Variants in MMP26 observed in about 807,000 individuals in gnomAD.
MMP26 encodes the protein matrix metallopeptidase 26.
Under a neutral mutation model 31.0 loss-of-function variants are expected in MMP26, and 33 were observed. The ratio of observed to expected loss-of-function variants is 1.06; its 90% CI spans 0.81 to 1.42. MMP26 has a LOEUF of 1.42. MMP26 is among the 40% of genes most tolerant of loss of function. MMP26 has a pLI of 0.00. For synonymous variants in MMP26, 122 were observed against 114.9 expected (o/e 1.06, Z -0.40); for missense variants, 347 against 316.1 (o/e 1.10, Z -0.74).
chr11:4,728,836 G>A (rs535735965), intron 1 of MMP26, among the ~76,000 whole-genome samples: 22 of 151,916 alleles, frequency 1.4e-4, no homozygotes, highest in African/African-American at 5.1e-4. Flanking sequence ...CAGAGCACAT[G>A]GAATTGTTTA....
chr11:4,890,869 A>G (rs1410967947), intron 2 of MMP26, among the ~76,000 whole-genome samples: 1 of 151,886 alleles, frequency 6.6e-6, no homozygotes, highest in East Asian at 1.9e-4. Context: ...AGTAACTTTC[A>G]AACAAATTCC....
At chr11:4,923,495 TAC>T in intron 2 of MMP26, 1 of 1,614,098 alleles carries the variant, frequency 6.2e-7, no homozygotes, top group East Asian at 2.2e-5. Context: ...TACCAGCAGA[TAC>T]ACATAGGACA....
At chr11:4,946,231 T>C in intron 2 of MMP26, 7 of 1,614,044 alleles carry the variant, frequency 4.3e-6, no homozygotes, top group East Asian at 2.2e-5. Flanking sequence ...AATAAACAAT[T>C]GGGTTCGTCA....
chr11:4,962,740 C>T (rs957779282), intron 2 of MMP26, among the ~76,000 whole-genome samples: 2 of 152,108 alleles, frequency 1.3e-5, no homozygotes, highest in Non-Finnish European at 2.9e-5. Context: ...CATTTACATA[C>T]ATTGTTGGAC....
intron 2 of MMP26, among the ~76,000 whole-genome samples, chr11:4,804,935 A>G (rs1865285): frequency 0.38 from 57,452 of 149,678 alleles, 12,406 homozygotes; most frequent in African/African-American, 0.57. Flanking sequence ...ACACCACTGC[A>G]CTCCAGCCTG....
rs59289871 is a variant in MMP26, at chr11:4,730,404, A to AAGAG, written c.-217+25382_-217+25385dup. Among the ~76,000 whole-genome samples, 344 of 145,040 alleles carry AAGAG rather than the reference A, an allele frequency of 2.4e-3. 3 individuals carry two copies. Among genetic ancestry groups the AAGAG allele is most frequent in the South Asian group, 7.6e-3 (34 of 4,500 alleles). On this transcript the variant is annotated intron_variant, in intron 1 of 7. Coordinates refer to ENST00000380390, the MANE Select transcript of MMP26 (RefSeq NM_021801.5). ...TATTTTAACACTTAGGTTTCTGGGA[A>AAGAG]AGAGAGAGAGAGAGAGAGAGAGAGA...
At chr11:4,737,095 G>T (rs1242319317) in intron 1 of MMP26, 2 of 152,234 alleles carry the variant, frequency 1.3e-5, no homozygotes, top group Non-Finnish European at 2.9e-5. Context: ...GTTAAGAAAA[G>T]ATGACATGAT....
At chr11:4,792,730 CA>C (rs35983637) in intron 2 of MMP26, among the ~76,000 whole-genome samples, 13,546 of 152,158 alleles carry the variant, frequency 0.089, 813 homozygotes, top group Middle Eastern at 0.15. Context: ...TTATCACATA[CA>C]TGGCTTACAG....
chr11:4,864,290 G>A (rs886743958), intron 2 of MMP26, among the ~76,000 whole-genome samples: 1 of 152,150 alleles, frequency 6.6e-6, no homozygotes, highest in African/African-American at 2.4e-5. Flanking sequence ...GCATTAATGA[G>A]GTAATTCTTA....
At chr11:4,722,739 T>C (rs1589883534) in intron 1 of MMP26, 2 of 907,952 alleles carry the variant, frequency 2.2e-6, no homozygotes, top group East Asian at 4.8e-5. Flanking sequence ...AGCTGTTCAC[T>C]TGGGCAGGAC....
At chr11:4,746,503 C>G (rs1157510621) in intron 1 of MMP26, among the ~76,000 whole-genome samples, 15 of 152,100 alleles carry the variant, frequency 9.9e-5, no homozygotes, top group Admixed American at 9.2e-4. Context: ...ACTTGATTTA[C>G]AGTAGGCGCT....
intron 1 of MMP26, among the ~76,000 whole-genome samples, chr11:4,738,741 T>C (rs1248523987): frequency 6.6e-6 from 1 of 152,210 alleles, no homozygotes; most frequent in African/African-American, 2.4e-5. Flanking sequence ...GTCACTTTTT[T>C]CTCTAATTAT....
intron 1 of MMP26, among the ~76,000 whole-genome samples, chr11:4,749,759 C>T (rs1025261520): frequency 6.6e-6 from 1 of 152,174 alleles, no homozygotes; most frequent in East Asian, 1.9e-4. Flanking sequence ...ACCTATCTCT[C>T]ACCATATACA....
Position 4,728,800 on chromosome 11 carries a change from C to T in MMP26, c.-217+23755C>T, listed in dbSNP as rs563214489. ...TCTTTAAATTTTTCTTGAATATATA[C>T]ACCTGCACATACACAAACATACACA... On this transcript the variant is annotated intron_variant, in intron 1 of 7. Coordinates refer to ENST00000380390, the MANE Select transcript of MMP26 (RefSeq NM_021801.5). Among the ~76,000 whole-genome samples, 7 of 152,122 alleles carry T rather than the reference C, an allele frequency of 4.6e-5. No individual in the cohort carries two copies. In the East Asian group the frequency reaches 1.2e-3, roughly 25 times the overall value.
chr11:4,721,790 T>TG (rs1390139167), intron 1 of MMP26, among the ~76,000 whole-genome samples: 1 of 152,186 alleles, frequency 6.6e-6, no homozygotes, highest in African/African-American at 2.4e-5. Context: ...TGAGCTGACT[T>TG]GGGGTTGGGT....
At chr11:4,785,824 A>G (rs12801757) in intron 2 of MMP26, among the ~76,000 whole-genome samples, 14,420 of 152,082 alleles carry the variant, frequency 0.095, 855 homozygotes, top group Middle Eastern at 0.15. Flanking sequence ...CTCCTCTGGG[A>G]TATGTTTTCG....
intron 2 of MMP26, among the ~76,000 whole-genome samples, chr11:4,903,567 A>G (rs1004487439): frequency 1.8e-4 from 27 of 152,076 alleles, no homozygotes; most frequent in Non-Finnish European, 3.8e-4. Context: ...TACCTTTCAG[A>G]TGAGTAGTCT....
chr11:4,738,206 C>A (rs1848267120), intron 1 of MMP26, among the ~76,000 whole-genome samples: 1 of 152,166 alleles, frequency 6.6e-6, no homozygotes, highest in Admixed American at 6.5e-5. Context: ...TCTTACCTCT[C>A]TTGCTGCCTC....
At chr11:4,992,191 G>GTTT (rs5789346) in intron 7 of MMP26, 23 bp from the exon 8 acceptor site, 44 of 1,491,096 alleles carry the variant, frequency 3.0e-5, no homozygotes, top group Admixed American at 1.5e-4. Context: ...ATTTACTGTT[G>GTTT]TTTTTTTTTT....
Sources: allele counts gnomAD v4.1 joint callset (sites outside exome capture counted in the v4.1 genomes callset), GRCh38; gene constraint gnomAD v4.1.1; transcripts MANE v1.5; gene names NCBI Gene and HGNC (gene_info 2026-07-23, HGNC 2026-07-21).